CPT1A: variants seen among roughly 807,000 people sequenced by gnomAD.
CPT1A encodes the protein carnitine O-palmitoyltransferase 1, liver isoform.
CPT1A carries 64 observed loss-of-function variants against 100.8 expected under a neutral mutation model. The observed-to-expected ratio is 0.63, with a 90% confidence interval of 0.52 to 0.78. CPT1A has a LOEUF of 0.78. CPT1A is among the 30% of genes least tolerant of loss of function. The pLI is 0.00. For synonymous variants in CPT1A, 363 were observed against 396.0 expected, an observed-to-expected ratio of 0.92 and a Z score of 0.99; for missense variants, 802 against 1,034.1, an observed-to-expected ratio of 0.78 and a Z score of 3.08.
Position 68,841,880 on chromosome 11 carries a change from C to G in CPT1A, c.-119G>C, listed in dbSNP as rs1857169411. 1.0e-6 allele frequency: 1 copy of G among 986,864 alleles called. No individual in the cohort carries two copies. Among genetic ancestry groups the G allele is most frequent in the Non-Finnish European group, 1.2e-6 (1 of 831,380 alleles). 61.1% of individuals were successfully genotyped at this position (986,864 alleles called of 1,614,324 possible). ...GGAGCCGGGGAAGGAGGGCCGCGGG[C>G]GAGGCCGAGCGCACCCGACGCCGGC... On this transcript the variant is annotated 5_prime_UTR_variant, in exon 1 of 19. Coordinates refer to ENST00000265641, the MANE Select transcript of CPT1A (RefSeq NM_001876.4). The surrounding 1 kb of genome is among the most constrained non-coding windows in gnomAD (Gnocchi z 6.3).
intron 8 of CPT1A, among the ~76,000 whole-genome samples, chr11:68,794,190 C>G (rs964280632): frequency 6.6e-6 from 1 of 152,120 alleles, no homozygotes; most frequent in Admixed American, 6.6e-5. Context: ...AGAGTGCATA[C>G]TGTTATGATT....
In CPT1A at chr11:68,759,589, T is replaced by C. The variant is rs751372022; in HGVS notation, c.2215A>G (p.Lys739Glu). The C allele has an allele frequency of 4.3e-6, 7 of 1,612,580 alleles. No homozygotes were observed. The highest frequency in any genetic ancestry group is 5.9e-6 in the Non-Finnish European group (7 of 1,178,866). Residue 739 changes from lysine (K) to glutamate (E), a missense_variant, in exon 18 of 19, where the codon AAG becomes GAG. Lys to Glu is a moderately conservative substitution (Grantham distance 56, BLOSUM62 1). Around this residue, in one of 4 missense-constraint regions of CPT1A, gnomAD observed 627 missense variants for 799.3 expected, o/e 0.78. Coordinates refer to ENST00000265641, the MANE Select transcript of CPT1A (RefSeq NM_001876.4). ...CATACCGTCTCAGGGCAAGAGAACT[T>C]GGAAGAAATGTGGAAATTGATGAGG... The part of the protein sequence containing the change: ...ENLINFHISS[K>E]FSCPETDSHR...
chr11:68,792,198 G>A (rs1014613716), intron 9 of CPT1A, among the ~76,000 whole-genome samples: 20 of 152,136 alleles, frequency 1.3e-4, no homozygotes, highest in South Asian at 6.2e-4. Flanking sequence ...TTAGCCGGGC[G>A]TGGTGGCAGA....
intron 1 of CPT1A, among the ~76,000 whole-genome samples, chr11:68,836,371 AGAG>A (rs1213941317): frequency 3.3e-5 from 5 of 152,064 alleles, no homozygotes; most frequent in Admixed American, 3.3e-4. Flanking sequence ...TAGCTATGTA[AGAG>A]GCTGAAGAAG....
chr11:68,836,169 T>C (rs1456542863), intron 1 of CPT1A, among the ~76,000 whole-genome samples: 1 of 152,186 alleles, frequency 6.6e-6, no homozygotes, highest in African/African-American at 2.4e-5. Flanking sequence ...CTGTGTGTAT[T>C]TGAAGAAGTA....
rs769719624 is a variant in CPT1A, at chr11:68,759,619, C to G, written c.2185G>C (p.Glu729Gln). ...GAAATGTGGAAATTGATGAGGTTCT[C>G]TCCCACAAGGATGTACGACACACCA... ...GYGVSYILVGENLINFHISSK... is the reference protein window; with the variant it reads ...GYGVSYILVGQNLINFHISSK... The change falls in exon 18 of 19, where the codon GAG (glutamate) becomes CAG (glutamine). Residue 729 changes from glutamate (E) to glutamine (Q), a missense_variant. Glu to Gln is a conservative substitution (Grantham distance 29). Coordinates refer to ENST00000265641, the MANE Select transcript of CPT1A (RefSeq NM_001876.4). The G allele has an allele frequency of 4.3e-6, 7 of 1,613,814 alleles. No individual in the cohort carries two copies. Among genetic ancestry groups the G allele is most frequent in the Non-Finnish European group, 5.1e-6 (6 of 1,179,850 alleles).
chr11:68,817,384 G>A (rs1351309793), intron 1 of CPT1A, among the ~76,000 whole-genome samples: 4 of 152,130 alleles, frequency 2.6e-5, no homozygotes, highest in Non-Finnish European at 5.9e-5. Flanking sequence ...TCAGACATCT[G>A]TCCATATTAC....
Position 68,768,066 on chromosome 11 carries a change from C to CTTTTTTTTT in CPT1A, c.1740+5190_1740+5198dup, listed in dbSNP as rs71043448. ...TCTCAGACACTTTCTAGTTTCCAGT[C>CTTTTTTTTT]TTTTTTTTTTTTTTTTTTTTTTTTT... On this transcript the variant is annotated intron_variant, in intron 14 of 18. Transcript: ENST00000265641. Among the ~76,000 whole-genome samples, 483 of 71,246 alleles carry CTTTTTTTTT rather than the reference C, an allele frequency of 6.8e-3. 125 individuals carry two copies. Among genetic ancestry groups the CTTTTTTTTT allele is most frequent in the African/African-American group, 0.022 (368 of 16,380 alleles). The allele number at this position is 71,246 out of a possible 152,430, so 46.7% of individuals were successfully genotyped here.
In CPT1A at chr11:68,817,497, C is replaced by T. The variant is rs558960506; in HGVS notation, c.-13-2010G>A. Among the ~76,000 whole-genome samples, 56 of 152,250 alleles carry T rather than the reference C, an allele frequency of 3.7e-4. No homozygotes were observed. The South Asian group carries it at 0.011, about 30-fold the overall frequency. ...CCACAGCTTAGACCGGGCTAACAAG[C>T]AACGCAGGAGCAGTGCTCTGGTGCA... On this transcript the variant is annotated intron_variant, in intron 1 of 18. Coordinates refer to ENST00000265641, the MANE Select transcript of CPT1A (RefSeq NM_001876.4).
upstream of CPT1A, chr11:68,841,985 G>A (rs936603949): frequency 1.0e-6 from 1 of 985,074 alleles, no homozygotes; most frequent in Non-Finnish European, 1.2e-6. The surrounding 1 kb of genome is among the most constrained non-coding windows in gnomAD (Gnocchi z 6.3). Context: ...CGGGCCCGGG[G>A]CCTCGGCGGG....
At chr11:68,790,894 G>A (rs1855596440) in intron 9 of CPT1A, among the ~76,000 whole-genome samples, 1 of 152,038 alleles carries the variant, frequency 6.6e-6, no homozygotes, top group South Asian at 2.1e-4. Flanking sequence ...CATGATCTTG[G>A]CTCACTGCAA....
intron 14 of CPT1A, among the ~76,000 whole-genome samples, chr11:68,772,295 G>A (rs1281016769): frequency 1.3e-5 from 2 of 152,182 alleles, no homozygotes; most frequent in East Asian, 3.8e-4. Flanking sequence ...GGAGGTTGCA[G>A]TGAGCCGAGA....
intron 4 of CPT1A, 107 bp downstream of exon 4, chr11:68,807,360 A>G: frequency 8.5e-7 from 1 of 1,178,482 alleles, no homozygotes; most frequent in East Asian, 2.6e-5. Flanking sequence ...GTCACCAACC[A>G]AGCATAGAGG....
chr11:68,798,455 T>C (rs1855814290), intron 6 of CPT1A, among the ~76,000 whole-genome samples: 2 of 152,066 alleles, frequency 1.3e-5, no homozygotes. Flanking sequence ...CACCTTCTCT[T>C]CCGTGTTAGT....
At chr11:68,788,630 T>TAAAAAAAAAAAAAAAAAA in intron 9 of CPT1A, among the ~76,000 whole-genome samples, 2 of 27,548 alleles carry the variant, frequency 7.3e-5, no homozygotes, top group Non-Finnish European at 6.2e-5. Flanking sequence ...CAAACAAAAG[T>TAAAAAAAAAAAAAAAAAA]AAAAAAAAAA....
chr11:68,784,920 A>G lies in CPT1A; in HGVS notation c.1058T>C (p.Leu353Pro), dbSNP rs752468963. 1.9e-6 allele frequency: 3 copies of G among 1,614,146 alleles called. No homozygotes were observed. The East Asian group carries it at 6.7e-5, about 36-fold the overall frequency. Residue 353 changes from leucine (L) to proline (P), a missense_variant, in exon 10 of 19, where the codon CTG (leucine) becomes CCG (proline). By Grantham distance (98) the Leu-to-Pro change is moderately conservative (BLOSUM62 -3). Transcript: ENST00000265641. ...CTGCTCCATCTCCCGGGGCTTCAGC[A>G]GCCGCCCATCATGGTAGAGCCAGAC... ...FKVWLYHDGRLLKPREMEQQM... is the reference protein window; with the variant it reads ...FKVWLYHDGRPLKPREMEQQM...
chr11:68,794,934 A>G, intron 7 of CPT1A, 23 bp from the exon 8 acceptor site: 3 of 1,588,354 alleles, frequency 1.9e-6, no homozygotes, highest in Non-Finnish European at 2.6e-6. Context: ...AAAGGTGGAG[A>G]GAATTTGCAT....
chr11:68,799,123 C>T, intron 6 of CPT1A, 95 bp downstream of exon 6: 1 of 1,218,312 alleles, frequency 8.2e-7, no homozygotes, highest in Non-Finnish European at 1.2e-6. Context: ...TTGGCTAATC[C>T]AAACTGTCAT....
chr11:68,814,002 A>C (rs1856301532), intron 2 of CPT1A, among the ~76,000 whole-genome samples: 1 of 152,006 alleles, frequency 6.6e-6, no homozygotes, highest in African/African-American at 2.4e-5. Context: ...GGCCTTTCTC[A>C]GTGGCCCACT....
Sources: allele counts gnomAD v4.1 joint callset (sites outside exome capture counted in the v4.1 genomes callset), GRCh38; gene constraint gnomAD v4.1.1; regional missense constraint gnomAD v4.1.1; non-coding constraint Gnocchi (gnomAD v3.1); transcripts MANE v1.5; gene names NCBI Gene and HGNC (gene_info 2026-07-23, HGNC 2026-07-21).